Variants in ZPLD1 observed in about 807,000 individuals in gnomAD.
ZPLD1 encodes zona pellucida like domain containing 1.
ZPLD1 carries 34 observed loss-of-function variants against 47.2 expected under a neutral mutation model. That is an observed-to-expected ratio of 0.72 (90% CI 0.55 to 0.96). The LOEUF (loss-of-function observed/expected upper bound fraction) is 0.96, where lower values mean the gene tolerates loss of function less well. ZPLD1 is among the 40% of genes least tolerant of loss of function. ZPLD1 has a pLI of 0.00. For missense variants in ZPLD1, 512 were observed against 505.8 expected (o/e 1.01, Z -0.12); for synonymous variants, 176 against 186.2 (o/e 0.95, Z 0.45).
rs893295075 is a variant in ZPLD1, at chr3:102,479,706, T to C, written c.*2088T>C. 3.3e-5 allele frequency: 5 copies of C among 152,224 alleles called. No homozygotes were observed. Among genetic ancestry groups the C allele is most frequent in the African/African-American group, 9.6e-5 (4 of 41,464 alleles). The allele number at this position is 152,224 out of a possible 1,614,324, so 9.4% of individuals were successfully genotyped here. A position where few individuals can be genotyped will look rare whatever the true frequency, so the allele number is the denominator to read the frequency against. On this transcript the variant is annotated 3_prime_UTR_variant, in exon 12 of 12. Transcript: ENST00000466937. ...GTTATACTGAATTTTACAGTTATTA[T>C]AGTGTGAAAAACCTTACAAAATATG...
chr3:102,408,655 A>C (rs929126375), intron 7 of ZPLD1, among the ~76,000 whole-genome samples: 2 of 151,838 alleles, frequency 1.3e-5, no homozygotes, highest in African/African-American at 4.8e-5. Context: ...AGAAGCAATG[A>C]TAAGAAACAG....
intron 6 of ZPLD1, among the ~76,000 whole-genome samples, chr3:102,458,382 T>C (rs1456953954): frequency 2.6e-5 from 4 of 152,184 alleles, no homozygotes; most frequent in Non-Finnish European, 5.9e-5. Flanking sequence ...AATATCGACA[T>C]TGGCAGCAAA....
chr3:102,432,226 G>A (rs1459012475), upstream of ZPLD1, among the ~76,000 whole-genome samples: 1 of 152,194 alleles, frequency 6.6e-6, no homozygotes, highest in East Asian at 1.9e-4. Flanking sequence ...GTTTGAGTGA[G>A]TGATGCAGAA....
intron 6 of ZPLD1, 102 bp downstream of exon 6, chr3:102,457,955 C>T (rs75957873): frequency 0.066 from 69,138 of 1,050,898 alleles, 2,514 homozygotes; most frequent in Middle Eastern, 0.084. Flanking sequence ...CCACATTAAC[C>T]CTGTTATGCC....
chr3:102,438,380 G>A, intron 2 of ZPLD1, 100 bp from the exon 3 acceptor site: 1 of 762,816 alleles, frequency 1.3e-6, no homozygotes, highest in Non-Finnish European at 2.3e-6. Context: ...GATGTAAACT[G>A]CTTATCCAAC....
In ZPLD1 at chr3:102,456,201, A is replaced by G; in HGVS notation, c.336A>G (p.Thr112=). The G allele has an allele frequency of 6.2e-7, 1 of 1,612,316 alleles. No homozygotes were observed. The highest frequency in any genetic ancestry group is 8.5e-7 in the Non-Finnish European group (1 of 1,179,320). Residue 112 remains threonine, a synonymous_variant, in exon 5 of 12, where the codon ACA becomes ACG. Coordinates refer to ENST00000466937, the MANE Select transcript of ZPLD1 (RefSeq NM_001329788.2). ...ATCTAACATTCTAACAGGTATCCAC[A>G]ATTCCTGGAGTCAGTGCTTATGGAA... is the stretch of plus-strand genomic sequence containing the variant. The part of the protein sequence containing the change: ...EGCGNNLVVS[T]IPGVSAYGNA...
At chr3:102,432,020 C>A (rs1288615295), upstream of ZPLD1, among the ~76,000 whole-genome samples, 1 of 152,176 alleles carries the variant, frequency 6.6e-6, no homozygotes, top group Non-Finnish European at 1.5e-5. Context: ...AATACAGTTG[C>A]CTACCTGTGT....
At chr3:102,404,165 AATG>A (rs1253369354) in intron 7 of ZPLD1, among the ~76,000 whole-genome samples, 1 of 151,976 alleles carries the variant, frequency 6.6e-6, no homozygotes, top group Admixed American at 6.6e-5. Context: ...TTCCTCCAAT[AATG>A]ATGTCTACAA....
At chr3:102,447,396 A>G (rs1707274056) in intron 3 of ZPLD1, among the ~76,000 whole-genome samples, 1 of 152,002 alleles carries the variant, frequency 6.6e-6, no homozygotes, top group Non-Finnish European at 1.5e-5. Flanking sequence ...CTATACACTG[A>G]CCTCCAGAAT....
chr3:102,419,370 A>C (rs1422529485), intron 8 of ZPLD1, among the ~76,000 whole-genome samples: 5 of 151,892 alleles, frequency 3.3e-5, no homozygotes, highest in Non-Finnish European at 7.4e-5. Flanking sequence ...TAAATATAAA[A>C]ATCTAAAAAT....
At chr3:102,446,965 A>G (rs1707264629) in intron 3 of ZPLD1, among the ~76,000 whole-genome samples, 1 of 152,230 alleles carries the variant, frequency 6.6e-6, no homozygotes, top group African/African-American at 2.4e-5. Context: ...GTTGATATGA[A>G]GTGGCATGTA....
chr3:102,449,189 C>G (rs774682918), intron 3 of ZPLD1, among the ~76,000 whole-genome samples: 1 of 152,204 alleles, frequency 6.6e-6, no homozygotes, highest in Non-Finnish European at 1.5e-5. Context: ...TTCCACTCCT[C>G]TATCTAGCTA....
chr3:102,468,984 C>G lies in ZPLD1; in HGVS notation c.782C>G (p.Thr261Ser). 1 of 1,613,544 alleles carries G rather than the reference C, an allele frequency of 6.2e-7. No homozygotes were observed. The highest frequency in any genetic ancestry group is 8.5e-7 in the Non-Finnish European group (1 of 1,179,724). The change falls in exon 9 of 12, where the codon ACC (threonine) becomes AGC (serine). Residue 261 changes from threonine (T) to serine (S), a missense_variant. Thr to Ser is a moderately conservative substitution (Grantham distance 58). Coordinates refer to ENST00000466937, the MANE Select transcript of ZPLD1 (RefSeq NM_001329788.2). The part of the protein sequence containing the change: ...LFLSCDKDPQ[T>S]TVIENGRSQR... ...TTTAGCTGTGACAAGGACCCTCAGA[C>G]CACCGTCATTGAGAATGGCCGAAGC...
upstream of ZPLD1, among the ~76,000 whole-genome samples, chr3:102,433,780 C>T (rs1232266562): frequency 1.3e-5 from 2 of 152,144 alleles, no homozygotes; most frequent in African/African-American, 4.8e-5. Context: ...ACACCCGCCT[C>T]GGCCTCCCAA....
intron 7 of ZPLD1, among the ~76,000 whole-genome samples, chr3:102,392,511 T>C (rs146339315): frequency 2.8e-3 from 421 of 150,744 alleles, no homozygotes; most frequent in Non-Finnish European, 4.5e-3. Flanking sequence ...TTCCTTTCTT[T>C]CTTCCTTCCT....
chr3:102,412,240 C>G (rs1189864834), intron 7 of ZPLD1, among the ~76,000 whole-genome samples: 1 of 151,800 alleles, frequency 6.6e-6, no homozygotes, highest in African/African-American at 2.4e-5. Context: ...TTTGAACAAA[C>G]AGCTGGGCAT....
At chr3:102,426,890 T>A (rs972531247) in intron 8 of ZPLD1, among the ~76,000 whole-genome samples, 1 of 152,182 alleles carries the variant, frequency 6.6e-6, no homozygotes, top group African/African-American at 2.4e-5. Flanking sequence ...TCAGGAGATG[T>A]TTTTAGTTGT....
intron 6 of ZPLD1, among the ~76,000 whole-genome samples, chr3:102,389,020 G>C (rs550572354): frequency 6.6e-6 from 1 of 152,158 alleles, no homozygotes; most frequent in South Asian, 2.1e-4. Context: ...ACTCTTCTGG[G>C]CTGTTTCTTC....
In ZPLD1 at chr3:102,470,399, C is replaced by T; in HGVS notation, c.939C>T (p.Cys313=). The T allele has an allele frequency of 3.1e-6, 5 of 1,613,878 alleles. No individual in the cohort carries two copies. The highest frequency in any genetic ancestry group is 3.4e-6 in the Non-Finnish European group (4 of 1,179,788). ...ADDCPFLMPI[C]SHRERRDAGR... ...TGTTTTCATTAACACCTCAGATTTG[C>T]AGCCACAGAGAAAGGAGAGATGCTG... is the stretch of plus-strand genomic sequence containing the variant. Residue 313 remains cysteine (C), a synonymous_variant, in exon 10 of 12, where the codon TGC becomes TGT. Coordinates refer to ENST00000466937, the MANE Select transcript of ZPLD1 (RefSeq NM_001329788.2).
Sources: gnomAD v4.1 joint callset for allele counts (sites outside exome capture counted in the v4.1 genomes callset) on GRCh38, gnomAD v4.1.1 for gene constraint, MANE v1.5 for transcripts, NCBI Gene and HGNC (gene_info 2026-07-23, HGNC 2026-07-21) for gene names.